ALOX5AP: variants seen among roughly 807,000 people sequenced by gnomAD.
ALOX5AP encodes the protein arachidonate 5-lipoxygenase activating protein.
Under a neutral mutation model 18.5 loss-of-function variants are expected in ALOX5AP, and 9 were observed. That is an observed-to-expected ratio of 0.49 (90% CI 0.29 to 0.85). ALOX5AP has a LOEUF of 0.85. Ranked by LOEUF, ALOX5AP falls within the 40% of genes least tolerant of loss-of-function variation. The probability of loss-of-function intolerance (pLI) is 0.08; values close to 1 mark genes in which losing one functional copy is unlikely to be tolerated. For synonymous variants in ALOX5AP, 81 were observed against 78.6 expected (o/e 1.03, Z -0.16); for missense variants, 172 against 202.5 (o/e 0.85, Z 0.91).
chr13:30,723,110 C>G (rs879785914), intron 1 of ALOX5AP, among the ~76,000 whole-genome samples: 1 of 152,220 alleles, frequency 6.6e-6, no homozygotes. Context: ...AACCCTGGAT[C>G]ACTCCTGTAA....
At chr13:30,731,476 G>A (rs958232878), upstream of ALOX5AP, among the ~76,000 whole-genome samples, 1 of 151,700 alleles carries the variant, frequency 6.6e-6, no homozygotes. Context: ...ACAGCCTCAA[G>A]CGATCCTCCT....
chr13:30,763,614 T>G (rs148143431), intron 4 of ALOX5AP, among the ~76,000 whole-genome samples: 33 of 152,284 alleles, frequency 2.2e-4, no homozygotes, highest in African/African-American at 7.5e-4. Flanking sequence ...GGATGCCCAA[T>G]GGTCAACAGA....
rs17245477 is a variant in ALOX5AP, at chr13:30,743,162, A to G, written c.71-898A>G. Among the ~76,000 whole-genome samples, 936 of 151,924 alleles carry G rather than the reference A, an allele frequency of 6.2e-3. 5 individuals carry two copies. Among genetic ancestry groups the G allele is most frequent in the African/African-American group, 0.021 (872 of 41,414 alleles). ...TGCTAGGCCCCAGGGGCAAATCTCA[A>G]TGGTCATCTTCTTGAAGACCTGGCT... On this transcript the variant is annotated intron_variant, in intron 1 of 4. Transcript: ENST00000380490.
rs1055893338 is a variant in ALOX5AP at position 30,713,604 on chromosome 13, C to CA, written c.-121dup. The stretch of plus-strand genomic sequence containing the variant: ...TTCCTGCACCCCACCTTTGCCCCCT[C>CA]ACACCTCCTCTCATCTCCCGTTTTT... On this transcript the variant is annotated 5_prime_UTR_variant, in exon 1 of 6. Coordinates refer to the ALOX5AP transcript ENST00000617770. The CA allele has an allele frequency of 5.6e-6, 4 of 712,698 alleles. No individual in the cohort carries two copies. The African/African-American group carries it at 7.1e-5, about 13-fold the overall frequency. 44.1% of individuals were successfully genotyped at this position (712,698 alleles called of 1,614,324 possible). A position where few individuals can be genotyped will look rare whatever the true frequency, so the allele number is the denominator to read the frequency against.
In ALOX5AP at chr13:30,718,222, G is replaced by T. The variant is rs557982776; in HGVS notation, c.116+4381G>T. Among the ~76,000 whole-genome samples, 3 of 151,910 alleles carry T rather than the reference G, an allele frequency of 2.0e-5. No homozygotes were observed. The East Asian group carries it at 5.8e-4, about 29-fold the overall frequency. On this transcript the variant is annotated intron_variant, in intron 1 of 5. Transcript: ENST00000617770. The stretch of plus-strand genomic sequence containing the variant: ...GATCCACTTGCCTCAGCCTCCCAAA[G>T]TGCTGGGATCACAGGTGTGAGCCAC...
intron 1 of ALOX5AP, among the ~76,000 whole-genome samples, chr13:30,723,156 A>T (rs1306883475): frequency 6.6e-6 from 1 of 152,222 alleles, no homozygotes; most frequent in African/African-American, 2.4e-5. Flanking sequence ...ATACATATTT[A>T]AAAATAGTTG....
At chr13:30,753,334 G>T (rs149951363) in intron 3 of ALOX5AP, among the ~76,000 whole-genome samples, 1 of 152,170 alleles carries the variant, frequency 6.6e-6, no homozygotes, top group Non-Finnish European at 1.5e-5. Flanking sequence ...AACATGTCTC[G>T]CATTACTTGA....
intron 3 of ALOX5AP, among the ~76,000 whole-genome samples, chr13:30,752,707 TG>T (rs1210219630): frequency 1.3e-5 from 2 of 152,234 alleles, no homozygotes; most frequent in East Asian, 3.8e-4. Context: ...CTGTGCCTGG[TG>T]GCAGATCGGC....
At chr13:30,755,849 C>A (rs1201785171) in intron 3 of ALOX5AP, 95 bp from the exon 4 acceptor site, 16 of 1,223,522 alleles carry the variant, frequency 1.3e-5, no homozygotes, top group African/African-American at 4.5e-5. Flanking sequence ...GTGTCTTCTG[C>A]TAGATTTTGT....
intron 1 of ALOX5AP, among the ~76,000 whole-genome samples, chr13:30,716,561 C>G (rs1373092014): frequency 6.6e-6 from 1 of 152,214 alleles, no homozygotes; most frequent in African/African-American, 2.4e-5. Context: ...CAATCTACCT[C>G]ACTTTGCAGC....
chr13:30,761,702 G>C (rs1593447442), intron 4 of ALOX5AP, among the ~76,000 whole-genome samples: 1 of 152,278 alleles, frequency 6.6e-6, no homozygotes, highest in East Asian at 1.9e-4. Context: ...GGTTTCTCCT[G>C]CAGCCTCTCT....
At chr13:30,745,333 G>A (rs1951800859) in intron 2 of ALOX5AP, among the ~76,000 whole-genome samples, 2 of 152,072 alleles carry the variant, frequency 1.3e-5, no homozygotes, top group African/African-American at 4.8e-5. Flanking sequence ...GAAATCGCTG[G>A]GCCACTCTCG....
chr13:30,754,676 G>A (rs1951878510), intron 3 of ALOX5AP, among the ~76,000 whole-genome samples: 3 of 152,202 alleles, frequency 2.0e-5, no homozygotes. Context: ...AGAAAGACCT[G>A]GCTTCAAATT....
At chr13:30,753,907 C>T (rs146527283) in intron 3 of ALOX5AP, among the ~76,000 whole-genome samples, 155 of 152,282 alleles carry the variant, frequency 1.0e-3, no homozygotes, top group African/African-American at 3.5e-3. Flanking sequence ...AAAACTTTGC[C>T]CAAGGCAAAT....
upstream of ALOX5AP, chr13:30,735,434 TAAAAAAAAAAAAA>T (rs59918130): frequency 9.1e-5 from 78 of 857,818 alleles, no homozygotes; most frequent in Non-Finnish European, 1.2e-4. Flanking sequence ...GGTGGTTAGT[TAAAAAAAAAAAAA>T]AAAAAAAAAA....
intron 3 of ALOX5AP, among the ~76,000 whole-genome samples, chr13:30,754,006 G>A (rs1395533780): frequency 1.3e-5 from 2 of 152,192 alleles, no homozygotes; most frequent in Non-Finnish European, 2.9e-5. Flanking sequence ...TTGGGAGGCC[G>A]AGGCAGGCAG....
intron 4 of ALOX5AP, among the ~76,000 whole-genome samples, chr13:30,757,210 C>G (rs533393787): frequency 3.9e-5 from 6 of 152,218 alleles, no homozygotes; most frequent in African/African-American, 1.4e-4. Flanking sequence ...GATTAGATAG[C>G]ATCCTTCAGT....
intron 1 of ALOX5AP, among the ~76,000 whole-genome samples, chr13:30,738,601 T>C (rs1196723723): frequency 1.3e-5 from 2 of 152,216 alleles, no homozygotes; most frequent in African/African-American, 4.8e-5. Context: ...CAACTTCTTC[T>C]GCCTAGGTAC....
intron 4 of ALOX5AP, among the ~76,000 whole-genome samples, chr13:30,761,825 A>T (rs1197342719): frequency 6.6e-6 from 1 of 152,222 alleles, no homozygotes; most frequent in Non-Finnish European, 1.5e-5. Flanking sequence ...CTGGATGAGG[A>T]TCCACCCATA....
Sources: gnomAD v4.1 joint callset for allele counts (sites outside exome capture counted in the v4.1 genomes callset) on GRCh38, gnomAD v4.1.1 for gene constraint, MANE v1.5 for transcripts, NCBI Gene and HGNC (gene_info 2026-07-23, HGNC 2026-07-21) for gene names.